Variants in RFX4 observed in about 807,000 individuals in gnomAD.
RFX4 encodes transcription factor RFX4.
RFX4 carries 10 observed loss-of-function variants against 95.0 expected under a neutral mutation model. That is an observed-to-expected ratio of 0.11 (90% CI 0.06 to 0.18). RFX4 has a LOEUF of 0.18. Ranked by LOEUF, RFX4 falls within the 10% of genes least tolerant of loss-of-function variation. The pLI is 1.00. For missense variants in RFX4, 640 were observed against 922.0 expected, an observed-to-expected ratio of 0.69 and a Z score of 3.96; for synonymous variants, 321 against 340.7, an observed-to-expected ratio of 0.94 and a Z score of 0.64.
chr12:106,752,253 T>C (rs1337557390), intron 17 of RFX4, among the ~76,000 whole-genome samples: 3 of 150,902 alleles, frequency 2.0e-5, no homozygotes, highest in South Asian at 2.1e-4. Flanking sequence ...GTTGTAGATA[T>C]GCGGCGTTAT....
intron 4 of RFX4, among the ~76,000 whole-genome samples, chr12:106,657,260 G>T (rs2040978425): frequency 6.6e-6 from 1 of 152,208 alleles, no homozygotes; most frequent in Non-Finnish European, 1.5e-5. Flanking sequence ...AGCAGGCGAG[G>T]TTTAATATTT....
Position 106,761,110 on chromosome 12 carries a change from TAACTTA to T in RFX4, c.1936-82_1936-77del. 2.2e-6 allele frequency: 3 copies of T among 1,392,642 alleles called. No homozygotes were observed. The African/African-American group carries it at 4.3e-5, about 20-fold the overall frequency. 86.3% of individuals were successfully genotyped at this position (1,392,642 alleles called of 1,614,324 possible). On this transcript the variant is annotated intron_variant, in intron 17 of 17. Transcript: ENST00000392842. ...CTCATTAATAGCATCTTAAGAAATT[TAACTTA>T]AACTATAAACATGACTGATATTGTG...
chr12:106,630,484 G>A (rs981495121), intron 2 of RFX4, among the ~76,000 whole-genome samples: 2 of 152,196 alleles, frequency 1.3e-5, no homozygotes, highest in Admixed American at 6.5e-5. Flanking sequence ...TGCTGCCAGA[G>A]GCTGATGCCC....
intron 3 of RFX4, among the ~76,000 whole-genome samples, chr12:106,651,559 T>C (rs373174893): frequency 2.6e-5 from 4 of 152,182 alleles, no homozygotes; most frequent in African/African-American, 9.7e-5. Flanking sequence ...GTACCTATGG[T>C]CAGGAGTTTA....
chr12:106,647,271 G>C (rs906848904), intron 3 of RFX4, among the ~76,000 whole-genome samples: 4 of 152,102 alleles, frequency 2.6e-5, no homozygotes, highest in African/African-American at 9.7e-5. Context: ...AACTTTAGAG[G>C]CATCATACCT....
chr12:106,671,950 C>T (rs187456320), intron 4 of RFX4, among the ~76,000 whole-genome samples: 1 of 152,264 alleles, frequency 6.6e-6, no homozygotes, highest in African/African-American at 2.4e-5. Flanking sequence ...GCATGAGCCA[C>T]CACACCCGGC....
At chr12:106,610,852 A>G (rs1397629056) in intron 2 of RFX4, among the ~76,000 whole-genome samples, 1 of 152,184 alleles carries the variant, frequency 6.6e-6, no homozygotes, top group Non-Finnish European at 1.5e-5. Context: ...TTGTTGGATC[A>G]TATGGTAACT....
At chr12:106,588,551 T>C (rs2039495617) in intron 1 of RFX4, among the ~76,000 whole-genome samples, 1 of 152,220 alleles carries the variant, frequency 6.6e-6, no homozygotes, top group Non-Finnish European at 1.5e-5. Flanking sequence ...GATGACAATC[T>C]GGGCAAAGGA....
chr12:106,749,820 A>C (rs930115847), intron 16 of RFX4, among the ~76,000 whole-genome samples: 2 of 152,094 alleles, frequency 1.3e-5, no homozygotes, highest in African/African-American at 4.8e-5. Context: ...CTGATTTAGA[A>C]CCAGGGTCTT....
intron 3 of RFX4, among the ~76,000 whole-genome samples, chr12:106,649,388 G>A (rs1008588989): frequency 2.6e-5 from 4 of 152,144 alleles, no homozygotes; most frequent in Non-Finnish European, 5.9e-5. Context: ...TGTTCATAGA[G>A]CTTATTAAAA....
At chr12:106,639,306 T>C (rs1373332877) in intron 2 of RFX4, 26 bp from the exon 3 acceptor site, 2 of 1,606,928 alleles carry the variant, frequency 1.2e-6, no homozygotes, top group East Asian at 2.2e-5. Flanking sequence ...CTACTGAAGT[T>C]AGCTTCTTTT....
intron 4 of RFX4, among the ~76,000 whole-genome samples, chr12:106,667,699 T>C (rs1174047569): frequency 2.6e-5 from 4 of 152,190 alleles, no homozygotes; most frequent in Admixed American, 2.6e-4. Flanking sequence ...GTCTCTCCAA[T>C]CTTGAGGGCA....
intron 13 of RFX4, 147 bp from the exon 14 acceptor site, chr12:106,731,983 T>C (rs529702944): frequency 1.4e-5 from 16 of 1,160,604 alleles, no homozygotes; most frequent in Admixed American, 2.2e-5. Context: ...CTGCAACCTA[T>C]GACCATGAGG....
intron 1 of RFX4, among the ~76,000 whole-genome samples, chr12:106,596,816 G>A (rs1222367187): frequency 6.6e-6 from 1 of 152,226 alleles, no homozygotes; most frequent in Non-Finnish European, 1.5e-5. Flanking sequence ...GTTTAGCACA[G>A]TACATAGCAT....
intron 3 of RFX4, among the ~76,000 whole-genome samples, chr12:106,643,949 T>C (rs1385439964): frequency 6.6e-6 from 1 of 152,144 alleles, no homozygotes; most frequent in African/African-American, 2.4e-5. Context: ...TGTAGATATG[T>C]ATTACAGACC....
chr12:106,587,915 A>G (rs1483304043), intron 1 of RFX4, among the ~76,000 whole-genome samples: 1 of 152,208 alleles, frequency 6.6e-6, no homozygotes, highest in Non-Finnish European at 1.5e-5. Flanking sequence ...TTACAGTGAG[A>G]AAGGCGCTGA....
At chr12:106,687,198 AC>A in intron 6 of RFX4, 101 bp downstream of exon 6, 2 of 703,040 alleles carry the variant, frequency 2.8e-6, no homozygotes, top group Non-Finnish European at 4.7e-6. Context: ...ACACACACAC[AC>A]ACACACACAC....
chr12:106,752,973 TC>T (rs1201436365), intron 17 of RFX4, among the ~76,000 whole-genome samples: 1 of 152,134 alleles, frequency 6.6e-6, no homozygotes, highest in Admixed American at 6.5e-5. Flanking sequence ...CTTTATCATA[TC>T]CAGCTTAGAT....
intron 8 of RFX4, among the ~76,000 whole-genome samples, chr12:106,708,812 T>C (rs948460613): frequency 6.6e-6 from 1 of 152,222 alleles, no homozygotes; most frequent in Non-Finnish European, 1.5e-5. Context: ...ATATGGTCTT[T>C]GACTCTTGGA....
Sources: allele counts gnomAD v4.1 joint callset (sites outside exome capture counted in the v4.1 genomes callset), GRCh38; gene constraint gnomAD v4.1.1; transcripts MANE v1.5; gene names NCBI Gene and HGNC (gene_info 2026-07-23, HGNC 2026-07-21).